SPIDR: variants seen among roughly 807,000 people sequenced by gnomAD.
SPIDR encodes the protein scaffold protein involved in DNA repair.
In SPIDR, 93 loss-of-function variants were observed where a neutral mutation model predicts 104.6. That is an observed-to-expected ratio of 0.89 (90% CI 0.75 to 1.06). The LOEUF (loss-of-function observed/expected upper bound fraction) is 1.06. Ranked by LOEUF, SPIDR falls within the 50% of genes least tolerant of loss-of-function variation. The probability of loss-of-function intolerance (pLI) is 0.00; values close to 1 mark genes in which losing one functional copy is unlikely to be tolerated. For synonymous variants in SPIDR, 431 were observed against 416.9 expected (o/e 1.03, Z -0.41); for missense variants, 1,154 against 1,111.2 (o/e 1.04, Z -0.55).
chr8:47,440,062 A>G (rs1260610307), intron 7 of SPIDR, among the ~76,000 whole-genome samples: 3 of 152,170 alleles, frequency 2.0e-5, no homozygotes, highest in African/African-American at 2.4e-5. Context: ...GTACAGGACT[A>G]TTTCTTCATG....
intron 8 of SPIDR, among the ~76,000 whole-genome samples, chr8:47,485,591 G>A (rs782624177): frequency 2.0e-5 from 3 of 152,214 alleles, no homozygotes; most frequent in South Asian, 2.1e-4. Flanking sequence ...GCCTAACTGG[G>A]AGGCACCCCC....
rs899248264 is a variant in SPIDR, at chr8:47,690,353, A to AT, written c.1686-10041dup. Among the ~76,000 whole-genome samples, 554 of 151,060 alleles carry AT rather than the reference A, an allele frequency of 3.7e-3. 7 individuals are homozygous for AT. Among genetic ancestry groups the AT allele is most frequent in the African/African-American group, 0.012 (512 of 41,262 alleles). ...AGTAGAACAGAAGTGTGTAAAGAAC[A>AT]TTTTTTTTTACAAAGTTACTAAATT... On this transcript the variant is annotated intron_variant, in intron 11 of 19. Transcript: ENST00000297423.
At chr8:47,474,248 T>C (rs1408886146) in intron 8 of SPIDR, among the ~76,000 whole-genome samples, 1 of 152,238 alleles carries the variant, frequency 6.6e-6, no homozygotes, top group Non-Finnish European at 1.5e-5. Flanking sequence ...TTGTGGAGTA[T>C]AGTTCTCATA....
chr8:47,555,380 A>G (rs181896307), intron 8 of SPIDR, among the ~76,000 whole-genome samples: 161 of 152,328 alleles, frequency 1.1e-3, no homozygotes, highest in African/African-American at 3.8e-3. Context: ...TAGAGATTCA[A>G]TAAATAGAAG....
intron 8 of SPIDR, among the ~76,000 whole-genome samples, chr8:47,595,548 A>T (rs368390523): frequency 3.0e-4 from 45 of 152,330 alleles, no homozygotes; most frequent in African/African-American, 1.1e-3. Context: ...TCTTGAGGCC[A>T]TACTGGGAGG....
chr8:47,625,161 C>G (rs895675630), intron 10 of SPIDR, among the ~76,000 whole-genome samples: 1 of 152,216 alleles, frequency 6.6e-6, no homozygotes, highest in East Asian at 1.9e-4. Context: ...AATAGAGGCA[C>G]AAAAGGCCTT....
chr8:47,572,531 G>A (rs575880129), intron 8 of SPIDR, among the ~76,000 whole-genome samples: 26 of 151,924 alleles, frequency 1.7e-4, no homozygotes, highest in East Asian at 7.7e-4. Context: ...GCATGGTGGC[G>A]GACACCTGTA....
chr8:47,588,216 C>T (rs928566950), intron 8 of SPIDR, among the ~76,000 whole-genome samples: 1 of 149,004 alleles, frequency 6.7e-6, no homozygotes, highest in Non-Finnish European at 1.5e-5. Context: ...ATAAATATGT[C>T]TTCCATTTGT....
At chr8:47,509,809 A>G (rs757833316) in intron 8 of SPIDR, among the ~76,000 whole-genome samples, 18 of 152,142 alleles carry the variant, frequency 1.2e-4, no homozygotes, top group Non-Finnish European at 2.4e-4. Context: ...TTACAACACA[A>G]ATACCATGGT....
chr8:47,579,578 A>G (rs1251000319), intron 8 of SPIDR, among the ~76,000 whole-genome samples: 2 of 152,182 alleles, frequency 1.3e-5, no homozygotes, highest in Non-Finnish European at 2.9e-5. Context: ...GGCCAACACA[A>G]TGTAGAAGGT....
intron 10 of SPIDR, among the ~76,000 whole-genome samples, chr8:47,633,504 G>A (rs971463255): frequency 2.7e-5 from 4 of 150,766 alleles, no homozygotes; most frequent in Admixed American, 1.3e-4. Flanking sequence ...GTGTATAAGA[G>A]GATATGGAAA....
intron 5 of SPIDR, among the ~76,000 whole-genome samples, chr8:47,322,042 C>G (rs2046729625): frequency 6.6e-6 from 1 of 152,160 alleles, no homozygotes; most frequent in South Asian, 2.1e-4. Context: ...TGGGCAAGGA[C>G]TTCGTGTCTA....
At chr8:47,644,848 T>G (rs2069986865) in intron 10 of SPIDR, among the ~76,000 whole-genome samples, 1 of 152,078 alleles carries the variant, frequency 6.6e-6, no homozygotes, top group Admixed American at 6.5e-5. Context: ...AGCTTCAAGG[T>G]GAAACCTAAC....
intron 5 of SPIDR, among the ~76,000 whole-genome samples, chr8:47,316,952 C>T (rs781965083): frequency 6.6e-5 from 10 of 151,946 alleles, no homozygotes; most frequent in African/African-American, 1.9e-4. Context: ...TGAAATGCAT[C>T]GAAAAGTAAG....
chr8:47,271,181 A>G (rs1381578400), intron 1 of SPIDR, among the ~76,000 whole-genome samples: 1 of 152,128 alleles, frequency 6.6e-6, no homozygotes, highest in Non-Finnish European at 1.5e-5. Flanking sequence ...ACCAGTTGAC[A>G]TGGTATGTTT....
intron 5 of SPIDR, among the ~76,000 whole-genome samples, chr8:47,395,154 G>T (rs984412106): frequency 1.8e-4 from 27 of 151,966 alleles, no homozygotes; most frequent in African/African-American, 6.0e-4. Context: ...TTCGAGACCA[G>T]CCTGGCCAAC....
chr8:47,417,786 G>C (rs2064628408), intron 7 of SPIDR, among the ~76,000 whole-genome samples: 1 of 152,104 alleles, frequency 6.6e-6, no homozygotes, highest in Non-Finnish European at 1.5e-5. Flanking sequence ...AATCCATCTT[G>C]AATTAATTTT....
intron 5 of SPIDR, among the ~76,000 whole-genome samples, chr8:47,343,225 GAA>G: frequency 6.6e-6 from 1 of 152,110 alleles, no homozygotes; most frequent in East Asian, 1.9e-4. Context: ...TGCAAAATAG[GAA>G]AACAAAGATT....
chr8:47,266,695 A>C (rs1402940398), intron 1 of SPIDR, among the ~76,000 whole-genome samples: 2 of 152,208 alleles, frequency 1.3e-5, no homozygotes, highest in Non-Finnish European at 2.9e-5. Context: ...AAACTTTTCC[A>C]AAGTGGTTAT....
Sources: allele counts gnomAD v4.1 joint callset (sites outside exome capture counted in the v4.1 genomes callset), GRCh38; gene constraint gnomAD v4.1.1; transcripts MANE v1.5; gene names NCBI Gene and HGNC (gene_info 2026-07-23, HGNC 2026-07-21).